Variants in IL31RA observed in about 807,000 individuals in gnomAD.
IL31RA encodes the protein interleukin-31 receptor subunit alpha.
A neutral mutation model predicts 83.7 loss-of-function variants in IL31RA; 66 were observed. The ratio of observed to expected loss-of-function variants is 0.79; its 90% confidence interval spans 0.65 to 0.97. The LOEUF (loss-of-function observed/expected upper bound fraction) is 0.97, where lower values mean the gene tolerates loss of function less well. Ranked by LOEUF, IL31RA falls within the 50% of genes least tolerant of loss-of-function variation. The pLI is 0.00. For missense variants in IL31RA, 798 were observed against 919.4 expected, an observed-to-expected ratio of 0.87 and a Z score of 1.71; for synonymous variants, 325 against 329.0, an observed-to-expected ratio of 0.99 and a Z score of 0.13.
chr5:55,915,028 TCA>T, intron 14 of IL31RA, 100 bp downstream of exon 14: 1 of 911,074 alleles, frequency 1.1e-6, no homozygotes, highest in Non-Finnish European at 1.8e-6. Context: ...TTTTCAAGGT[TCA>T]CATCAAGAGA....
intron 6 of IL31RA, among the ~76,000 whole-genome samples, chr5:55,896,084 A>G (rs986649609): frequency 2.0e-5 from 3 of 152,198 alleles, no homozygotes; most frequent in African/African-American, 7.2e-5. Context: ...TTATATTACA[A>G]TGGGGCCTAT....
chr5:55,845,857 C>T, the IL31RA span, among the ~76,000 whole-genome samples: 1 of 152,150 alleles, frequency 6.6e-6, no homozygotes, highest in Non-Finnish European at 1.5e-5. Flanking sequence ...TAGTATATTT[C>T]AAAATGGTTA....
intron 2 of IL31RA, among the ~76,000 whole-genome samples, chr5:55,865,129 C>T (rs1745965492): frequency 6.6e-6 from 1 of 152,228 alleles, no homozygotes; most frequent in Non-Finnish European, 1.5e-5. Context: ...GGGTTCCAAG[C>T]TGCGTGGGCT....
At chr5:55,851,069 T>C (rs1011971902), upstream of IL31RA, among the ~76,000 whole-genome samples, 6 of 148,594 alleles carry the variant, frequency 4.0e-5, no homozygotes, top group African/African-American at 1.5e-4. Context: ...CACTCCAGCC[T>C]AAGCAACAAG....
rs757971872 is a variant in IL31RA, at chr5:55,910,556, T to G, written c.1526T>G (p.Leu509Trp). The change falls in exon 12 of 15, where the codon TTG becomes TGG. Residue 509 changes from leucine to tryptophan, a missense_variant. Transcript: ENST00000652347. ...GFSKTVNSSILQYGLESLKRK... is the reference protein window; with the variant it reads ...GFSKTVNSSIWQYGLESLKRK... ...GCCAAGACAGTCAATTCCAGCATCT[T>G]GCAGTACGGCCTGGAGTCCCTGAAA... 1.2e-6 allele frequency: 2 copies of G among 1,614,220 alleles called. No homozygotes were observed. The highest frequency in any genetic ancestry group is 2.2e-5 in the South Asian group (2 of 91,084).
rs1750054833 is a variant in IL31RA, at chr5:55,920,770, C to A, written c.*3650C>A. On this transcript the variant is annotated 3_prime_UTR_variant, in exon 15 of 15. Coordinates refer to ENST00000652347, the MANE Select transcript of IL31RA (RefSeq NM_139017.7). ...TAAGGACTGCCCTCTTTGAAGGGTG[C>A]ACACACACTTACTGGTTCCCCACCA... Among the ~76,000 whole-genome samples the A allele has an allele frequency of 6.6e-6, 1 of 152,194 alleles. No individual in the cohort carries two copies. Among genetic ancestry groups the A allele is most frequent in the Non-Finnish European group, 1.5e-5 (1 of 68,032 alleles).
intron 8 of IL31RA, among the ~76,000 whole-genome samples, chr5:55,905,405 T>C (rs1749086739): frequency 1.3e-5 from 2 of 152,188 alleles, no homozygotes; most frequent in Non-Finnish European, 2.9e-5. Context: ...TGTGTTCGAA[T>C]ATTTTCAGTA....
Position 55,918,392 on chromosome 5 carries a change from C to T in IL31RA, c.*1272C>T, listed in dbSNP as rs1159107675. Among the ~76,000 whole-genome samples the T allele has an allele frequency of 2.6e-5, 4 of 152,186 alleles. No individual in the cohort carries two copies. The highest frequency in any genetic ancestry group is 6.5e-5 in the Admixed American group (1 of 15,282). On this transcript the variant is annotated 3_prime_UTR_variant, in exon 15 of 15. Transcript: ENST00000652347. ...ACCCACTCAGGTGTGCAAAACATCACTTTACTTTCCTAAAACTAAAATTAA... is the reference window on the plus strand; with the variant it reads ...ACCCACTCAGGTGTGCAAAACATCATTTTACTTTCCTAAAACTAAAATTAA...
intron 5 of IL31RA, among the ~76,000 whole-genome samples, chr5:55,888,716 C>T (rs770818972): frequency 9.2e-5 from 14 of 152,140 alleles, no homozygotes; most frequent in Non-Finnish European, 2.1e-4. Flanking sequence ...AAGTTACTCT[C>T]TCCACAACCC....
At chr5:55,841,261 C>T in the IL31RA span, among the ~76,000 whole-genome samples, 2 of 152,166 alleles carry the variant, frequency 1.3e-5, no homozygotes, top group South Asian at 2.1e-4. Flanking sequence ...AAATTTTCCA[C>T]TTGTTACCTT....
Position 55,910,628 on chromosome 5 carries a change from G to C in IL31RA, c.1598G>C (p.Gly533Ala). ...IVQVMASTSA[G>A]GTNGTSINFK... ...CAGGTCATGGCCAGCACCAGTGCTG[G>C]GGGAACCAACGGGACCAGCATAAAT... Residue 533 changes from glycine to alanine, a missense_variant, in exon 12 of 15, where the codon GGG becomes GCG. Gly to Ala is a moderately conservative substitution (Grantham distance 60, BLOSUM62 0). Transcript: ENST00000652347. 1 of 1,614,124 alleles carries C rather than the reference G, an allele frequency of 6.2e-7. No individual in the cohort carries two copies. Among genetic ancestry groups the C allele is most frequent in the Non-Finnish European group, 8.5e-7 (1 of 1,180,012 alleles).
At chr5:55,852,873 G>A (rs1745143272) in intron 1 of IL31RA, among the ~76,000 whole-genome samples, 2 of 152,106 alleles carry the variant, frequency 1.3e-5, no homozygotes, top group Admixed American at 1.3e-4. Context: ...CTATAAAGTG[G>A]GAATAAAAAT....
In IL31RA at chr5:55,916,728, T is replaced by C; in HGVS notation, c.1903T>C (p.Leu635=). 2 of 1,614,114 alleles carry C rather than the reference T, an allele frequency of 1.2e-6. No homozygotes were observed. The highest frequency in any genetic ancestry group is 1.7e-6 in the Non-Finnish European group (2 of 1,180,004). The change falls in exon 15 of 15, where the codon TTG becomes CTG. Residue 635 remains leucine (L), a synonymous_variant. Transcript: ENST00000652347. ...ACCATGTTCCACCCCCAGTGACAAG[T>C]TGGTGATTGACAAGTTGGTGGTGAA... The part of the protein sequence containing the change: ...LKPCSTPSDK[L]VIDKLVVNFG...
chr5:55,920,628 T>A lies in IL31RA; in HGVS notation c.*3508T>A, dbSNP rs1750045222. Among the ~76,000 whole-genome samples the A allele has an allele frequency of 6.6e-6, 1 of 152,232 alleles. No homozygotes were observed. On this transcript the variant is annotated 3_prime_UTR_variant, in exon 15 of 15. Transcript: ENST00000652347. ...TCTCTGACCCTTTGCAGAAAAAATT[T>A]GTGGACGCCTACCATAACCCACAGA...
chr5:55,915,916 T>G (rs1489855795), intron 14 of IL31RA, among the ~76,000 whole-genome samples: 1 of 152,212 alleles, frequency 6.6e-6, no homozygotes, highest in Admixed American at 6.5e-5. Context: ...ACAAAGTCAC[T>G]GTCCCTGCCA....
chr5:55,910,813 A>C (rs1332083765), intron 12 of IL31RA, 141 bp downstream of exon 12: 2 of 971,750 alleles, frequency 2.1e-6, no homozygotes, highest in Admixed American at 1.7e-5. Context: ...CTGTTCACCA[A>C]CCTTCCTGGA....
At chr5:55,858,505 G>T (rs6885112) in intron 1 of IL31RA, among the ~76,000 whole-genome samples, 115,294 of 152,158 alleles carry the variant, frequency 0.76, 44,388 homozygotes, top group African/African-American at 0.84. Context: ...ATCTTAGGCA[G>T]TTCCAATTCG....
intron 12 of IL31RA, 126 bp downstream of exon 12, chr5:55,910,798 G>GCT (rs1414128200): frequency 1.9e-6 from 2 of 1,077,182 alleles, no homozygotes; most frequent in Non-Finnish European, 1.4e-6. Flanking sequence ...CTGCCATCCT[G>GCT]CTCTCTGTTC....
chr5:55,896,258 G>A, intron 6 of IL31RA, 92 bp from the exon 7 acceptor site: 9 of 863,866 alleles, frequency 1.0e-5, no homozygotes, highest in Non-Finnish European at 1.4e-5. Context: ...GCTCCCTCAA[G>A]CAAATCCTTC....
Sources: allele counts gnomAD v4.1 joint callset (sites outside exome capture counted in the v4.1 genomes callset), GRCh38; gene constraint gnomAD v4.1.1; transcripts MANE v1.5; gene names NCBI Gene and HGNC (gene_info 2026-07-23, HGNC 2026-07-21).